Variants in STK35 observed in about 807,000 individuals in gnomAD.
STK35 encodes the protein serine/threonine-protein kinase 35.
STK35 carries 17 observed loss-of-function variants against 37.3 expected under a neutral mutation model. That is an observed-to-expected ratio of 0.46 (90% CI 0.31 to 0.68). The LOEUF (loss-of-function observed/expected upper bound fraction) is 0.68. Among genes scored for constraint, STK35 ranks in the 30% least tolerant of loss-of-function variants. The pLI is 0.05. For synonymous variants in STK35, 385 were observed against 319.1 expected, an observed-to-expected ratio of 1.21 and a Z score of -2.20; for missense variants, 595 against 746.7, an observed-to-expected ratio of 0.80 and a Z score of 2.37.
chr20:2,130,645 T>C (rs879092354), intron 3 of STK35, among the ~76,000 whole-genome samples: 1 of 152,176 alleles, frequency 6.6e-6, no homozygotes, highest in African/African-American at 2.4e-5. Flanking sequence ...GCTGTAAAAT[T>C]GATTTTGAGA....
Position 2,101,939 on chromosome 20 carries a change from A to G in STK35, c.58A>G (p.Lys20Glu). Reference protein sequence around the residue: ...RAPAGGAAYVKRLCKGLSWRE... With the variant: ...RAPAGGAAYVERLCKGLSWRE... ...GCCGGCGGGAGGTGCAGCTTATGTA[A>G]AGAGGTTATGTAAAGGGCTCAGCTG... The change falls in exon 1 of 4, where the codon AAG (lysine) becomes GAG (glutamate). Residue 20 changes from lysine (K) to glutamate (E), a missense_variant. By Grantham distance (56) the Lys-to-Glu change is moderately conservative. Coordinates refer to ENST00000381482, the MANE Select transcript of STK35 (RefSeq NM_080836.4). 6.7e-7 allele frequency: 1 copy of G among 1,499,394 alleles called. No homozygotes were observed. The highest frequency in any genetic ancestry group is 8.9e-7 in the Non-Finnish European group (1 of 1,123,112). The allele number at this position is 1,499,394 out of a possible 1,614,324, so 92.9% of individuals were successfully genotyped here. A position where few individuals can be genotyped will look rare whatever the true frequency, so the allele number is the denominator to read the frequency against.
intron 2 of STK35, among the ~76,000 whole-genome samples, chr20:2,106,175 A>G (rs922596426): frequency 6.6e-6 from 1 of 152,184 alleles, no homozygotes; most frequent in African/African-American, 2.4e-5. Context: ...CTGGATTCCA[A>G]AATTTAGGGG....
chr20:2,111,311 C>T (rs1404312199), intron 2 of STK35, among the ~76,000 whole-genome samples: 1 of 152,190 alleles, frequency 6.6e-6, no homozygotes, highest in African/African-American at 2.4e-5. Context: ...CAATGGTGTG[C>T]CCATAGCGTT....
Position 2,109,012 on chromosome 20 carries a change from G to A in STK35, c.892+5647G>A, listed in dbSNP as rs367715582. ...CTTTCTCTTTTTACACCTCTCCAGCGCATGACTTTTATCTTGATTTATTTC... is the reference window on the plus strand; with the variant it reads ...CTTTCTCTTTTTACACCTCTCCAGCACATGACTTTTATCTTGATTTATTTC... On this transcript the variant is annotated intron_variant, in intron 2 of 3. Transcript: ENST00000381482. 7.2e-5 allele frequency among the ~76,000 whole-genome samples: 11 copies of A among 152,228 alleles called. No homozygotes were observed. In the South Asian group the frequency reaches 1.2e-3, roughly 17 times the overall value.
intron 3 of STK35, among the ~76,000 whole-genome samples, chr20:2,131,501 C>G (rs1405305194): frequency 1.3e-5 from 2 of 151,538 alleles, no homozygotes; most frequent in Non-Finnish European, 2.9e-5. Context: ...AAATGGTATA[C>G]CTATATAGGG....
intron 3 of STK35, among the ~76,000 whole-genome samples, chr20:2,131,791 A>G: frequency 7.1e-6 from 1 of 141,290 alleles, no homozygotes; most frequent in South Asian, 2.9e-4. Flanking sequence ...ATCTTGGATT[A>G]CTTGGCAGCC....
chr20:2,106,284 TC>T (rs1433287483), intron 2 of STK35, among the ~76,000 whole-genome samples: 5 of 152,216 alleles, frequency 3.3e-5, no homozygotes, highest in African/African-American at 1.2e-4. Flanking sequence ...TTCAGCTCTC[TC>T]ATTAAATAGA....
At chr20:2,108,904 C>G (rs1020872454) in intron 2 of STK35, among the ~76,000 whole-genome samples, 1 of 152,182 alleles carries the variant, frequency 6.6e-6, no homozygotes, top group East Asian at 1.9e-4. Flanking sequence ...AGGAACCCTC[C>G]TTAGTGACTT....
rs1338771715 is a variant in STK35, at chr20:2,148,499, G to A, written c.*4753G>A. ...ACTGAGGCTTTGTAAATTAAGGGAC[G>A]TTTGTGTGAATAAAGTTATTTGATG... On this transcript the variant is annotated 3_prime_UTR_variant, in exon 4 of 4. Coordinates refer to ENST00000381482, the MANE Select transcript of STK35 (RefSeq NM_080836.4). 1 of 152,590 alleles carries A rather than the reference G, an allele frequency of 6.6e-6. No homozygotes were observed. Among genetic ancestry groups the A allele is most frequent in the Non-Finnish European group, 1.5e-5 (1 of 68,034 alleles). The allele number at this position is 152,590 out of a possible 1,614,324, so 9.5% of individuals were successfully genotyped here. A position where few individuals can be genotyped will look rare whatever the true frequency, so the allele number is the denominator to read the frequency against.
chr20:2,107,774 A>G (rs1025337238), intron 2 of STK35, among the ~76,000 whole-genome samples: 1 of 152,166 alleles, frequency 6.6e-6, no homozygotes, highest in Non-Finnish European at 1.5e-5. Context: ...CAGCCCTTAG[A>G]AAAGCAACTC....
At chr20:2,114,803 T>A (rs1034883285) in intron 2 of STK35, among the ~76,000 whole-genome samples, 1 of 152,240 alleles carries the variant, frequency 6.6e-6, no homozygotes, top group African/African-American at 2.4e-5. Context: ...TAACCATCAT[T>A]CCTCTTCCTT....
intron 2 of STK35, among the ~76,000 whole-genome samples, chr20:2,114,541 C>A (rs890312457): frequency 3.3e-5 from 5 of 152,166 alleles, no homozygotes; most frequent in Admixed American, 3.3e-4. Context: ...TCTGAGAATA[C>A]TTCTTCCTGT....
rs1985398702 is a variant in STK35, at chr20:2,102,050, C to G, written c.169C>G (p.Arg57Gly). The G allele has an allele frequency of 2.0e-6, 3 of 1,523,782 alleles. No individual in the cohort carries two copies. The highest frequency in any genetic ancestry group is 2.6e-6 in the Non-Finnish European group (3 of 1,140,764). 94.4% of individuals were successfully genotyped at this position (1,523,782 alleles called of 1,614,324 possible). ...AAAAEGSATR[R>G]ARAATSRAAR... is the part of the protein sequence containing the mutation. The stretch of plus-strand genomic sequence containing the variant: ...GGCAGCAGAAGGATCCGCTACACGC[C>G]GGGCTCGGGCCGCCACCTCCCGCGC... Residue 57 changes from arginine (R) to glycine (G), a missense_variant, in exon 1 of 4, where the codon CGG (arginine) becomes GGG (glycine). Coordinates refer to ENST00000381482, the MANE Select transcript of STK35 (RefSeq NM_080836.4).
At position 2,102,121 on chromosome 20, in the gene STK35, G is replaced by C. The variant is rs6106228; in HGVS notation, c.240G>C (p.Gln80His). 2.1e-6 allele frequency: 3 copies of C among 1,430,196 alleles called. No individual in the cohort carries two copies. The highest frequency in any genetic ancestry group is 2.7e-6 in the Non-Finnish European group (3 of 1,091,018). The allele number at this position is 1,430,196 out of a possible 1,614,324, so 88.6% of individuals were successfully genotyped here. The change falls in exon 1 of 4, where the codon CAG (glutamine) becomes CAC (histidine). Residue 80 changes from glutamine to histidine, a missense_variant. Gln to His is a conservative substitution (Grantham distance 24, BLOSUM62 0). Around this residue, in one of 3 missense-constraint regions of STK35, gnomAD observed 389 missense variants for 320.0 expected, o/e 1.22. Coordinates refer to ENST00000381482, the MANE Select transcript of STK35 (RefSeq NM_080836.4). ...CCGGGCCCGGAGCGGACCATCCCCA[G>C]GCAGGGGCTCCAGGGGGGAAACGGG... is the stretch of plus-strand genomic sequence containing the variant. ...RQPGPGADHP[Q>H]AGAPGGKRAA...
At chr20:2,127,165 C>T (rs1985920225) in intron 3 of STK35, among the ~76,000 whole-genome samples, 1 of 151,962 alleles carries the variant, frequency 6.6e-6, no homozygotes, top group South Asian at 2.1e-4. Context: ...ATGGGAAAAT[C>T]ACAAAGATGA....
intron 2 of STK35, among the ~76,000 whole-genome samples, chr20:2,108,864 A>G (rs893496078): frequency 2.6e-5 from 4 of 152,020 alleles, no homozygotes; most frequent in East Asian, 1.9e-4. Flanking sequence ...ATTCACCTCA[A>G]ATGTGGCCTT....
intron 2 of STK35, among the ~76,000 whole-genome samples, chr20:2,111,213 C>A (rs1205731353): frequency 1.3e-5 from 2 of 152,316 alleles, no homozygotes; most frequent in East Asian, 3.9e-4. Flanking sequence ...CATCGCCAAC[C>A]CCTCATGCCT....
At chr20:2,130,274 T>G (rs183011715) in intron 3 of STK35, among the ~76,000 whole-genome samples, 1 of 152,218 alleles carries the variant, frequency 6.6e-6, no homozygotes, top group Non-Finnish European at 1.5e-5. Context: ...GGATCTCAGT[T>G]TTGCTGCGAA....
In STK35 at chr20:2,143,902, T is replaced by C. The variant is rs1465215060; in HGVS notation, c.*156T>C. On this transcript the variant is annotated 3_prime_UTR_variant, in exon 4 of 4. Transcript: ENST00000381482. ...AGCTGGATCCGGCAATGTGAAGCTT[T>C]TGTTTGGGTTTCCCCGCTTCTTTTT... The C allele has an allele frequency of 1.1e-5, 5 of 449,052 alleles. No individual in the cohort carries two copies. Among genetic ancestry groups the C allele is most frequent in the Non-Finnish European group, 2.2e-5 (5 of 224,896 alleles). The allele number at this position is 449,052 out of a possible 1,614,324, so 27.8% of individuals were successfully genotyped here.
Sources: gnomAD v4.1 joint callset for allele counts (sites outside exome capture counted in the v4.1 genomes callset) on GRCh38, gnomAD v4.1.1 for gene constraint, gnomAD v4.1.1 regional missense constraint, MANE v1.5 for transcripts, NCBI Gene and HGNC (gene_info 2026-07-23, HGNC 2026-07-21) for gene names.